GNA12: variants seen among roughly 807,000 people sequenced by gnomAD.
GNA12 encodes guanine nucleotide-binding protein subunit alpha-12.
In GNA12, 9 loss-of-function variants were observed where a neutral mutation model predicts 26.0. That is an observed-to-expected ratio of 0.35 (90% CI 0.21 to 0.60). The LOEUF (loss-of-function observed/expected upper bound fraction) is 0.60. Ranked by LOEUF, GNA12 falls within the 20% of genes least tolerant of loss-of-function variation. The pLI, the probability that GNA12 is intolerant of heterozygous loss-of-function variation, is 0.78. For missense variants in GNA12, 405 were observed against 525.8 expected (o/e 0.77, Z 2.25); for synonymous variants, 264 against 219.6 (o/e 1.20, Z -1.79).
intron 1 of GNA12, chr7:2,835,913 C>A (rs373295505): frequency 1.9e-5 from 10 of 539,748 alleles, no homozygotes; most frequent in Non-Finnish European, 3.5e-5. Flanking sequence ...CAAGAAGCAA[C>A]TGACGCCTTA....
intron 1 of GNA12, among the ~76,000 whole-genome samples, chr7:2,807,560 G>T (rs1792978570): frequency 6.6e-6 from 1 of 150,608 alleles, no homozygotes; most frequent in Non-Finnish European, 1.5e-5. Flanking sequence ...TTGAATTAAT[G>T]AGCATTAAAA....
intron 2 of GNA12, among the ~76,000 whole-genome samples, chr7:2,760,706 CAG>C (rs1268306240): frequency 6.6e-6 from 1 of 152,236 alleles, no homozygotes; most frequent in Non-Finnish European, 1.5e-5. Context: ...TTTCCTTCTA[CAG>C]GCAGCTTATC....
At chr7:2,788,272 C>G (rs557341565) in intron 2 of GNA12, among the ~76,000 whole-genome samples, 1 of 152,210 alleles carries the variant, frequency 6.6e-6, no homozygotes, top group Non-Finnish European at 1.5e-5. Flanking sequence ...CTCCCCGGGA[C>G]AGTTTGCTGG....
intron 2 of GNA12, among the ~76,000 whole-genome samples, chr7:2,759,140 AAAATAAAT>A (rs3074427): frequency 0.098 from 14,155 of 144,654 alleles, 830 homozygotes; most frequent in Middle Eastern, 0.15. Flanking sequence ...ACACTGTCTC[AAAATAAAT>A]AAATAAATAA....
chr7:2,773,267 A>C (rs761245715), intron 2 of GNA12, among the ~76,000 whole-genome samples: 1 of 152,232 alleles, frequency 6.6e-6, no homozygotes, highest in Non-Finnish European at 1.5e-5. Context: ...TACTTCAATT[A>C]AAACAAATAA....
At chr7:2,757,333 G>T (rs949889339) in intron 2 of GNA12, among the ~76,000 whole-genome samples, 3 of 151,704 alleles carry the variant, frequency 2.0e-5, no homozygotes, top group African/African-American at 7.3e-5. Flanking sequence ...ACAGGGTTTC[G>T]CCATGTCAGG....
intron 2 of GNA12, among the ~76,000 whole-genome samples, chr7:2,774,045 A>C (rs1408404344): frequency 6.6e-6 from 1 of 152,218 alleles, no homozygotes; most frequent in Non-Finnish European, 1.5e-5. Flanking sequence ...ATGAAGCAGC[A>C]ACGCAGAAAT....
chr7:2,788,012 G>A (rs1792407837), intron 2 of GNA12, among the ~76,000 whole-genome samples: 2 of 152,108 alleles, frequency 1.3e-5, no homozygotes, highest in Non-Finnish European at 2.9e-5. Flanking sequence ...AAAATTAGCC[G>A]GGCATGGTGG....
Position 2,843,931 on chromosome 7 carries a change from C to T in GNA12, c.231G>A (p.Met77Ile). The T allele has an allele frequency of 1.3e-6, 2 of 1,592,288 alleles. No individual in the cohort carries two copies. The highest frequency in any genetic ancestry group is 1.7e-6 in the Non-Finnish European group (2 of 1,171,204). Residue 77 changes from methionine (M) to isoleucine (I), a missense_variant, in exon 1 of 4, where the codon ATG becomes ATA. By Grantham distance (10) the Met-to-Ile change is conservative. Transcript: ENST00000275364. ...CGAACTCGCGGCCGTGGATGATGCG[C>T]ATCTGCTTGAGGAACGTGGACTTGC... ...ESGKSTFLKQ[M>I]RIIHGREFDQ... is the part of the protein sequence containing the mutation.
Position 2,818,759 on chromosome 7 carries a change from GA to G in GNA12, c.310-23617del, listed in dbSNP as rs71026564. Among the ~76,000 whole-genome samples, 413 of 114,710 alleles carry G rather than the reference GA, an allele frequency of 3.6e-3. 2 individuals are homozygous for G. The highest frequency in any genetic ancestry group is 0.022 in the South Asian group (75 of 3,414). The allele number at this position is 114,710 out of a possible 152,430, so 75.3% of individuals were successfully genotyped here. A position where few individuals can be genotyped will look rare whatever the true frequency, so the allele number is the denominator to read the frequency against. On this transcript the variant is annotated intron_variant, in intron 1 of 3. Transcript: ENST00000275364. ...GCGTGGGTGACAGAGACCCTAACTTGAAAAAAAAAAAAAAAAGCAAAGGACA... is the reference window on the plus strand; with the variant it reads ...GCGTGGGTGACAGAGACCCTAACTTGAAAAAAAAAAAAAAAGCAAAGGACA...
chr7:2,759,531 G>C lies in GNA12; in HGVS notation c.526-26030C>G, dbSNP rs147089665. Among the ~76,000 whole-genome samples the C allele has an allele frequency of 5.3e-3, 801 of 152,336 alleles. 10 individuals carry two copies. Among genetic ancestry groups the C allele is most frequent in the African/African-American group, 0.019 (778 of 41,560 alleles). ...TGGTAAAAAGACAAGTAAAAGGAAA[G>C]GAATAATTAGCCAAATACTAGAATA... On this transcript the variant is annotated intron_variant, in intron 2 of 3. Coordinates refer to ENST00000275364, the MANE Select transcript of GNA12 (RefSeq NM_007353.3).
chr7:2,833,466 T>C (rs1168970565), intron 1 of GNA12, among the ~76,000 whole-genome samples: 1 of 152,216 alleles, frequency 6.6e-6, no homozygotes, highest in African/African-American at 2.4e-5. Flanking sequence ...ACATGACAGA[T>C]GACTGAAGGT....
rs531840588 is a variant in GNA12, at chr7:2,815,323, G to A, written c.310-20180C>T. 5 of 199,764 alleles carry A rather than the reference G, an allele frequency of 2.5e-5. No individual in the cohort carries two copies. The East Asian group carries it at 7.8e-4, about 31-fold the overall frequency. 12.4% of individuals were successfully genotyped at this position (199,764 alleles called of 1,614,324 possible). Reference sequence around the variant, plus strand: ...ACAAGACCTTAAGGAGGGGCCGGCTGCGCAGCAGGGGCAGGAGGAGCTTTC... The same window carrying A: ...ACAAGACCTTAAGGAGGGGCCGGCTACGCAGCAGGGGCAGGAGGAGCTTTC... On this transcript the variant is annotated intron_variant, in intron 1 of 3. Transcript: ENST00000275364.
At chr7:2,792,350 C>T (rs944681672) in intron 2 of GNA12, among the ~76,000 whole-genome samples, 1 of 152,304 alleles carries the variant, frequency 6.6e-6, no homozygotes, top group African/African-American at 2.4e-5. Flanking sequence ...CTGGTACGGG[C>T]TTACTTCCAT....
intron 2 of GNA12, among the ~76,000 whole-genome samples, chr7:2,745,388 T>G (rs1775830283): frequency 1.3e-5 from 2 of 152,196 alleles, no homozygotes; most frequent in Non-Finnish European, 2.9e-5. Context: ...GAAAATAATT[T>G]TCAACCCAGA....
intron 1 of GNA12, among the ~76,000 whole-genome samples, chr7:2,813,962 T>C (rs893712507): frequency 2.6e-5 from 4 of 152,116 alleles, no homozygotes; most frequent in Admixed American, 6.5e-5. Context: ...AGACCCTGAA[T>C]AGATCAGACG....
intron 1 of GNA12, among the ~76,000 whole-genome samples, chr7:2,809,036 C>T (rs540105966): frequency 1.3e-5 from 2 of 152,192 alleles, no homozygotes; most frequent in Non-Finnish European, 2.9e-5. Context: ...GGTGGCCTGC[C>T]CTTGGCCATC....
chr7:2,758,348 G>A (rs553986259), intron 2 of GNA12, among the ~76,000 whole-genome samples: 1 of 152,284 alleles, frequency 6.6e-6, no homozygotes, highest in East Asian at 1.9e-4. Flanking sequence ...CTCATACGTC[G>A]TGTGGCCTCT....
chr7:2,819,816 C>A (rs756737929), intron 1 of GNA12, among the ~76,000 whole-genome samples: 3 of 152,160 alleles, frequency 2.0e-5, no homozygotes, highest in Non-Finnish European at 2.9e-5. Context: ...TTCAGAAACA[C>A]TCGGGTAGCT....
Sources: gnomAD v4.1 joint callset for allele counts (sites outside exome capture counted in the v4.1 genomes callset) on GRCh38, gnomAD v4.1.1 for gene constraint, MANE v1.5 for transcripts, NCBI Gene and HGNC (gene_info 2026-07-23, HGNC 2026-07-21) for gene names.